Variants in LDLRAD4 observed in about 807,000 individuals in gnomAD.
LDLRAD4 encodes the protein low density lipoprotein receptor class A domain containing 4, also known as low-density lipoprotein receptor class A domain-containing protein 4.
LDLRAD4 carries 5 observed loss-of-function variants against 17.0 expected under a neutral mutation model. That is an observed-to-expected ratio of 0.29 (90% CI 0.15 to 0.62). The LOEUF (loss-of-function observed/expected upper bound fraction) is 0.62. Ranked by LOEUF, LDLRAD4 falls within the 20% of genes least tolerant of loss-of-function variation. LDLRAD4 has a pLI of 0.84. For missense variants in LDLRAD4, 340 were observed against 424.7 expected, an observed-to-expected ratio of 0.80 and a Z score of 1.75; for synonymous variants, 168 against 171.8, an observed-to-expected ratio of 0.98 and a Z score of 0.17.
chr18:13,298,837 G>A (rs1449218902), intron 1 of LDLRAD4, among the ~76,000 whole-genome samples: 1 of 152,164 alleles, frequency 6.6e-6, no homozygotes, highest in Non-Finnish European at 1.5e-5. Flanking sequence ...GACATCCGTG[G>A]GCCTTGCCAC....
chr18:13,282,884 A>G (rs931655513), intron 1 of LDLRAD4, among the ~76,000 whole-genome samples: 2 of 152,158 alleles, frequency 1.3e-5, no homozygotes, highest in Non-Finnish European at 2.9e-5. Flanking sequence ...AGGCATTTCC[A>G]TACATCTTCT....
At chr18:13,570,236 G>A (rs893412479) in intron 3 of LDLRAD4, among the ~76,000 whole-genome samples, 1 of 152,238 alleles carries the variant, frequency 6.6e-6, no homozygotes, top group Non-Finnish European at 1.5e-5. Context: ...GGTCTGCACC[G>A]GAGCATGTGG....
rs571449011 is a variant in LDLRAD4 at position 13,529,338 on chromosome 18, C to G, written c.181+90954C>G. Among the ~76,000 whole-genome samples, 6 of 152,304 alleles carry G rather than the reference C, an allele frequency of 3.9e-5. No homozygotes were observed. In the South Asian group the frequency reaches 8.3e-4, roughly 21 times the overall value. ...ACATTCCAAAGGGAAAGGTATTCTC[C>G]GAAGATGGCCTTTGATGATACAAAT... is the stretch of plus-strand genomic sequence containing the variant. On this transcript the variant is annotated intron_variant, in intron 3 of 5. Coordinates refer to ENST00000359446, the Ensembl canonical transcript of LDLRAD4.
At chr18:13,530,691 G>T (rs1489292492) in intron 3 of LDLRAD4, among the ~76,000 whole-genome samples, 2 of 152,216 alleles carry the variant, frequency 1.3e-5, no homozygotes, top group Non-Finnish European at 2.9e-5. Flanking sequence ...TGGGTTCTTT[G>T]TTACAGCTTG....
chr18:13,283,133 C>G (rs1197635748), intron 1 of LDLRAD4, among the ~76,000 whole-genome samples: 2 of 152,160 alleles, frequency 1.3e-5, no homozygotes, highest in Admixed American at 6.5e-5. Flanking sequence ...TCTTTCTGTG[C>G]CTCTGGGCCT....
intron 1 of LDLRAD4, among the ~76,000 whole-genome samples, chr18:13,336,402 A>G (rs1457452537): frequency 6.6e-6 from 1 of 152,176 alleles, no homozygotes; most frequent in Non-Finnish European, 1.5e-5. Context: ...CCTTGTATTT[A>G]GGACATTTTT....
intron 2 of LDLRAD4, among the ~76,000 whole-genome samples, chr18:13,395,830 A>G (rs1407881020): frequency 6.6e-6 from 1 of 151,856 alleles, no homozygotes; most frequent in Non-Finnish European, 1.5e-5. Context: ...TGCTCGTGGG[A>G]ATCAATCTCC....
At chr18:13,641,378 GAC>G (rs1419058004) in intron 4 of LDLRAD4, among the ~76,000 whole-genome samples, 1 of 152,250 alleles carries the variant, frequency 6.6e-6, no homozygotes, top group East Asian at 1.9e-4. Flanking sequence ...GATAGGCAGA[GAC>G]AAATGGATAG....
chr18:13,480,624 T>C (rs1450140469), intron 3 of LDLRAD4, among the ~76,000 whole-genome samples: 1 of 152,100 alleles, frequency 6.6e-6, no homozygotes, highest in African/African-American at 2.4e-5. Flanking sequence ...GTGTGGGATG[T>C]GATCATGTGG....
At chr18:13,307,745 T>C (rs1441499124) in intron 1 of LDLRAD4, among the ~76,000 whole-genome samples, 1 of 152,248 alleles carries the variant, frequency 6.6e-6, no homozygotes, top group African/African-American at 2.4e-5. Context: ...ACATTTTCTT[T>C]TCTGTAGTAT....
At chr18:13,458,573 G>A (rs879316097) in intron 3 of LDLRAD4, among the ~76,000 whole-genome samples, 7 of 152,242 alleles carry the variant, frequency 4.6e-5, no homozygotes, top group Admixed American at 2.0e-4. Context: ...GTGGTAGGCA[G>A]AATAATGCCC....
At chr18:13,298,239 G>A (rs369518054) in intron 1 of LDLRAD4, among the ~76,000 whole-genome samples, 11 of 152,246 alleles carry the variant, frequency 7.2e-5, no homozygotes, top group East Asian at 3.9e-4. Flanking sequence ...GGTCCTGGTA[G>A]GAATCCTGGG....
chr18:13,322,616 T>G lies in LDLRAD4; in HGVS notation c.-383+44428T>G, dbSNP rs59454366. ...CACCTCGCCTGTCATCCATGTTTCT[T>G]TTCTTTTTCTTATTTTTTTGAGACG... On this transcript the variant is annotated intron_variant, in intron 1 of 5. Transcript: ENST00000359446. Among the ~76,000 whole-genome samples, 1,435 of 150,614 alleles carry G rather than the reference T, an allele frequency of 9.5e-3. 13 individuals are homozygous for G. Among genetic ancestry groups the G allele is most frequent in the African/African-American group, 0.026 (1,046 of 40,874 alleles).
At chr18:13,275,632 TAACTCA>T (rs374216685), upstream of LDLRAD4, among the ~76,000 whole-genome samples, 1 of 152,390 alleles carries the variant, frequency 6.6e-6, no homozygotes, top group East Asian at 1.9e-4. Flanking sequence ...TGATTGTTTG[TAACTCA>T]AAGGATAAAT....
chr18:13,379,586 G>T (rs2085186668), intron 1 of LDLRAD4, among the ~76,000 whole-genome samples: 1 of 152,200 alleles, frequency 6.6e-6, no homozygotes. Flanking sequence ...TCCTAAAATA[G>T]TGCCTGCCAG....
At chr18:13,391,956 G>A (rs28680259) in intron 2 of LDLRAD4, among the ~76,000 whole-genome samples, 93,333 of 152,078 alleles carry the variant, frequency 0.61, 29,036 homozygotes, top group Non-Finnish European at 0.67. Context: ...ACTTTTTGAC[G>A]GTTTTCACCC....
intron 3 of LDLRAD4, among the ~76,000 whole-genome samples, chr18:13,599,746 C>T (rs2095138888): frequency 6.6e-6 from 1 of 152,074 alleles, no homozygotes; most frequent in East Asian, 1.9e-4. Flanking sequence ...CTGTCTTGGC[C>T]TCCCATAGTG....
chr18:13,234,340 C>T (rs905808462), intron 1 of LDLRAD4, among the ~76,000 whole-genome samples: 1 of 151,644 alleles, frequency 6.6e-6, no homozygotes, highest in Admixed American at 6.6e-5. Context: ...CTGGCTTTGC[C>T]CTAGGAGGCC....
chr18:13,594,665 C>CAAAAAAAAAA (rs56035558), intron 3 of LDLRAD4, among the ~76,000 whole-genome samples: 297 of 29,568 alleles, frequency 0.01, 23 homozygotes, highest in South Asian at 0.02. Context: ...GATTCCATCT[C>CAAAAAAAAAA]AAAAAAAAAA....
Sources: allele counts gnomAD v4.1 joint callset (sites outside exome capture counted in the v4.1 genomes callset), GRCh38; gene constraint gnomAD v4.1.1; transcripts MANE v1.5; gene names NCBI Gene and HGNC (gene_info 2026-07-23, HGNC 2026-07-21).